LRRC28: variants seen among roughly 807,000 people sequenced by gnomAD.
LRRC28 encodes leucine-rich repeat-containing protein 28.
In LRRC28, 39 loss-of-function variants were observed where a neutral mutation model predicts 45.7. The observed-to-expected ratio is 0.85, with a 90% CI of 0.66 to 1.12. The LOEUF is 1.12. LRRC28 is among the 50% of genes most tolerant of loss of function. The pLI, the probability that LRRC28 is intolerant of heterozygous loss-of-function variation, is 0.00. For synonymous variants in LRRC28, 206 were observed against 178.8 expected, an observed-to-expected ratio of 1.15 and a Z score of -1.22; for missense variants, 435 against 438.5, an observed-to-expected ratio of 0.99 and a Z score of 0.07.
chr15:99,283,238 A>G (rs576807102), intron 3 of LRRC28, among the ~76,000 whole-genome samples: 1 of 152,144 alleles, frequency 6.6e-6, no homozygotes, highest in Admixed American at 6.5e-5. Flanking sequence ...ACAATTTTAT[A>G]TTTATAGAAA....
At chr15:99,263,864 GCTT>G (rs2081265519) in intron 2 of LRRC28, among the ~76,000 whole-genome samples, 2 of 150,972 alleles carry the variant, frequency 1.3e-5, no homozygotes, top group African/African-American at 2.4e-5. Flanking sequence ...AACAGCTGCT[GCTT>G]CTTATGGAAT....
intron 6 of LRRC28, among the ~76,000 whole-genome samples, chr15:99,351,755 T>C (rs1467370421): frequency 6.6e-6 from 1 of 152,182 alleles, no homozygotes; most frequent in African/African-American, 2.4e-5. Context: ...TGTTAAAGCA[T>C]AGTAAGGAAG....
At chr15:99,326,061 T>C (rs796944386) in intron 5 of LRRC28, among the ~76,000 whole-genome samples, 4 of 152,228 alleles carry the variant, frequency 2.6e-5, no homozygotes, top group African/African-American at 9.6e-5. Context: ...AGATTCAGTA[T>C]GGATTTTGGA....
chr15:99,319,144 C>T (rs924322034), intron 5 of LRRC28, among the ~76,000 whole-genome samples: 1 of 152,040 alleles, frequency 6.6e-6, no homozygotes, highest in African/African-American at 2.4e-5. Flanking sequence ...GACTATGATG[C>T]TGTGATATTT....
Position 99,333,946 on chromosome 15 carries a change from C to T in LRRC28, c.409C>T (p.Gln137Ter). 1.2e-6 allele frequency: 2 copies of T among 1,614,120 alleles called. No homozygotes were observed. The highest frequency in any genetic ancestry group is 1.7e-6 in the Non-Finnish European group (2 of 1,179,994). ...PPEVGDLKEL[Q>*]TLDISTNRLL... ...AGAGGTTGGCGATTTGAAGGAGCTG[C>T]AGACACTAGACATTTCTACCAATCG... is the stretch of plus-strand genomic sequence containing the variant. The change falls in exon 6 of 10, where the codon CAG becomes TAG. Residue 137 changes from glutamine (Q) to a stop codon, truncating the protein, a stop_gained. Coordinates refer to ENST00000301981, the MANE Select transcript of LRRC28 (RefSeq NM_144598.5). LOFTEE classifies it high-confidence loss of function.
chr15:99,339,097 A>G (rs544713852), intron 6 of LRRC28, among the ~76,000 whole-genome samples: 2 of 134,020 alleles, frequency 1.5e-5, no homozygotes, highest in South Asian at 2.2e-4. Flanking sequence ...TAACTAACTC[A>G]GAGAACTGCA....
At chr15:99,353,681 A>G (rs573804537) in intron 7 of LRRC28, 4 of 152,356 alleles carry the variant, frequency 2.6e-5, no homozygotes, top group Non-Finnish European at 5.9e-5. Context: ...AAGTGCCTGC[A>G]ATCACCATGG....
chr15:99,254,728 C>A lies in LRRC28; in HGVS notation c.-60-1170C>A, dbSNP rs563107558. ...AATTACTGAAGCCTTGAGTTTGTTT[C>A]TTTTTGTGTTAACTGATGGTGAAGT... On this transcript the variant is annotated intron_variant, in intron 1 of 9. Transcript: ENST00000301981. Among the ~76,000 whole-genome samples the A allele has an allele frequency of 1.1e-4, 17 of 152,282 alleles. No individual in the cohort carries two copies. In the East Asian group the frequency reaches 3.3e-3, roughly 29 times the overall value.
chr15:99,257,771 A>T (rs553207256), intron 2 of LRRC28: 139 of 777,008 alleles, frequency 1.8e-4, no homozygotes, highest in Admixed American at 5.8e-4. Flanking sequence ...TGGATGATGA[A>T]GTAGTACAGA....
intron 9 of LRRC28, among the ~76,000 whole-genome samples, chr15:99,385,726 G>A (rs1057461861): frequency 2.7e-5 from 4 of 150,376 alleles, no homozygotes; most frequent in South Asian, 4.2e-4. Flanking sequence ...AGTTCGAAAC[G>A]TAATGTGGAA....
chr15:99,379,432 T>C (rs1386109875), intron 9 of LRRC28, among the ~76,000 whole-genome samples: 1 of 152,154 alleles, frequency 6.6e-6, no homozygotes, highest in African/African-American at 2.4e-5. Flanking sequence ...CTTCTCCCTT[T>C]TCTTCTTTAT....
At chr15:99,276,659 T>A (rs1194891102) in intron 3 of LRRC28, 43 bp downstream of exon 3, 2 of 1,415,676 alleles carry the variant, frequency 1.4e-6, no homozygotes, top group Non-Finnish European at 1.9e-6. Context: ...AGAATGAAAA[T>A]AATTCTAAGT....
At chr15:99,335,558 G>C (rs571537947) in intron 6 of LRRC28, among the ~76,000 whole-genome samples, 3 of 152,308 alleles carry the variant, frequency 2.0e-5, no homozygotes, top group African/African-American at 7.2e-5. Flanking sequence ...CCAGGAGGCT[G>C]AAGTGGAAGG....
At chr15:99,259,170 C>T in intron 2 of LRRC28, 2 of 1,204,638 alleles carry the variant, frequency 1.7e-6, no homozygotes, top group Non-Finnish European at 1.2e-6. Context: ...CATCATCCAG[C>T]TGACATTACT....
At chr15:99,297,382 G>A (rs976822296) in intron 5 of LRRC28, 6 of 151,388 alleles carry the variant, frequency 4.0e-5, no homozygotes, top group African/African-American at 9.7e-5. Flanking sequence ...TGAGTAGCTG[G>A]GACTATGGGC....
intron 2 of LRRC28, among the ~76,000 whole-genome samples, chr15:99,267,372 T>C (rs1324895701): frequency 6.6e-6 from 1 of 152,182 alleles, no homozygotes; most frequent in Non-Finnish European, 1.5e-5. Flanking sequence ...AAGAGCATCA[T>C]ACAGCCAAGT....
intron 6 of LRRC28, among the ~76,000 whole-genome samples, chr15:99,336,430 C>T (rs1212704737): frequency 6.6e-6 from 1 of 152,178 alleles, no homozygotes; most frequent in Non-Finnish European, 1.5e-5. Flanking sequence ...CATGGTCTCT[C>T]TACAGGGGGC....
intron 5 of LRRC28, among the ~76,000 whole-genome samples, chr15:99,301,692 T>C (rs1954975860): frequency 1.3e-5 from 2 of 152,234 alleles, no homozygotes; most frequent in African/African-American, 4.8e-5. Flanking sequence ...TATGGAGGAC[T>C]TAAAATGATG....
At chr15:99,356,376 C>G (rs934935060) in intron 7 of LRRC28, among the ~76,000 whole-genome samples, 9 of 152,034 alleles carry the variant, frequency 5.9e-5, no homozygotes, top group Non-Finnish European at 1.3e-4. Flanking sequence ...AAAGGAAATT[C>G]TAGAATTGAA....
Sources: allele counts gnomAD v4.1 joint callset (sites outside exome capture counted in the v4.1 genomes callset), GRCh38; gene constraint gnomAD v4.1.1; transcripts MANE v1.5; gene names NCBI Gene and HGNC (gene_info 2026-07-23, HGNC 2026-07-21).